Variants in CTNND2 observed in about 807,000 individuals in gnomAD.
The protein encoded by CTNND2 is catenin delta 2.
In CTNND2, 22 loss-of-function variants were observed where a neutral mutation model predicts 144.4. The observed-to-expected ratio is 0.15, with a 90% CI of 0.11 to 0.22. CTNND2 has a LOEUF of 0.22. Ranked by LOEUF, CTNND2 falls within the 10% of genes least tolerant of loss-of-function variation. CTNND2 has a pLI of 1.00. For synonymous variants in CTNND2, 751 were observed against 695.6 expected (o/e 1.08, Z -1.25); for missense variants, 1,353 against 1,618.8 (o/e 0.84, Z 2.82).
At position 11,346,727 on chromosome 5, in the gene CTNND2, A is replaced by C. The variant is rs550779402; in HGVS notation, c.1373-100T>G. On this transcript the variant is annotated intron_variant, in intron 8 of 21. Transcript: ENST00000304623. ...GGGCAGGGGAAGTTACACACATAAA[A>C]AATAGGGGGTTCAAAAGAATAAAAA... 7.1e-6 allele frequency: 8 copies of C among 1,119,610 alleles called. No individual in the cohort carries two copies. The African/African-American group carries it at 1.3e-4, about 18-fold the overall frequency. The allele number at this position is 1,119,610 out of a possible 1,614,324, so 69.4% of individuals were successfully genotyped here.
chr5:11,825,499 A>G (rs1793552296), intron 1 of CTNND2, among the ~76,000 whole-genome samples: 1 of 152,294 alleles, frequency 6.6e-6, no homozygotes, highest in East Asian at 1.9e-4. Flanking sequence ...TCCCAGAAGA[A>G]GAGGAAAGAA....
intron 16 of CTNND2, 48 bp from the exon 17 acceptor site, chr5:11,023,027 G>T: frequency 1.3e-6 from 2 of 1,561,462 alleles, no homozygotes; most frequent in Non-Finnish European, 1.8e-6. Context: ...CAAGGTGAAG[G>T]CAGAGATAGT....
chr5:11,720,397 T>C (rs1581772989), intron 2 of CTNND2, among the ~76,000 whole-genome samples: 1 of 152,210 alleles, frequency 6.6e-6, no homozygotes. Flanking sequence ...GATTCATATC[T>C]GGCACAAGAC....
At chr5:11,454,754 C>T (rs907264282) in intron 3 of CTNND2, among the ~76,000 whole-genome samples, 30 of 152,062 alleles carry the variant, frequency 2.0e-4, no homozygotes, top group African/African-American at 7.2e-4. Context: ...GAACGCACCA[C>T]CATGCCCAGC....
chr5:11,102,791 A>G (rs1236913654), intron 14 of CTNND2, among the ~76,000 whole-genome samples: 1 of 152,126 alleles, frequency 6.6e-6, no homozygotes, highest in African/African-American at 2.4e-5. Flanking sequence ...TATGGTCACC[A>G]TCGGCACAGA....
chr5:11,532,566 C>T (rs1200408395), intron 3 of CTNND2, among the ~76,000 whole-genome samples: 1 of 152,114 alleles, frequency 6.6e-6, no homozygotes, highest in African/African-American at 2.4e-5. Flanking sequence ...TGTAGGTCAT[C>T]CACCTTGCCA....
intron 1 of CTNND2, among the ~76,000 whole-genome samples, chr5:11,766,386 C>T (rs1378765960): frequency 1.3e-5 from 2 of 152,122 alleles, no homozygotes; most frequent in African/African-American, 4.8e-5. Context: ...TGGGAGGTAA[C>T]TGAATCATGA....
At chr5:11,281,327 T>C (rs1387673021) in intron 9 of CTNND2, among the ~76,000 whole-genome samples, 4 of 152,134 alleles carry the variant, frequency 2.6e-5, no homozygotes, top group Non-Finnish European at 5.9e-5. Flanking sequence ...ACTCCATCAA[T>C]TTTTCTAAAA....
chr5:11,688,805 C>A (rs1784771630), intron 2 of CTNND2, among the ~76,000 whole-genome samples: 3 of 152,052 alleles, frequency 2.0e-5, no homozygotes, highest in Admixed American at 2.0e-4. Flanking sequence ...TGCAGCACAG[C>A]GAGCTGAAGC....
At chr5:11,463,724 CA>C (rs1299849015) in intron 3 of CTNND2, among the ~76,000 whole-genome samples, 5 of 151,124 alleles carry the variant, frequency 3.3e-5, no homozygotes, top group Non-Finnish European at 7.4e-5. Context: ...TATCATGACG[CA>C]AAAAGCAAAC....
intron 2 of CTNND2, among the ~76,000 whole-genome samples, chr5:11,710,110 AC>A (rs1215812558): frequency 1.3e-5 from 2 of 152,130 alleles, no homozygotes; most frequent in African/African-American, 4.8e-5. Context: ...GTTAGAGATG[AC>A]TATGCATCCC....
chr5:11,208,842 C>T (rs548646277), intron 10 of CTNND2, among the ~76,000 whole-genome samples: 5 of 152,148 alleles, frequency 3.3e-5, no homozygotes, highest in Admixed American at 1.3e-4. Context: ...ATATTGGCTA[C>T]GAACATGATA....
At chr5:11,849,148 G>A (rs138071332) in intron 1 of CTNND2, among the ~76,000 whole-genome samples, 1,816 of 152,218 alleles carry the variant, frequency 0.012, 21 homozygotes, top group Admixed American at 0.044. Context: ...CATGGCAGAT[G>A]ACAAAAGGCA....
At chr5:11,515,111 C>CA (rs5865953) in intron 3 of CTNND2, among the ~76,000 whole-genome samples, 54,990 of 135,358 alleles carry the variant, frequency 0.41, 11,058 homozygotes, top group South Asian at 0.56. Context: ...TAATGCACAC[C>CA]AAAAAAAAAA....
intron 2 of CTNND2, among the ~76,000 whole-genome samples, chr5:11,616,178 T>A (rs1482892661): frequency 1.3e-5 from 2 of 152,164 alleles, no homozygotes; most frequent in Non-Finnish European, 2.9e-5. Flanking sequence ...TCTTTCCAAT[T>A]TAATCTCCTT....
chr5:11,571,940 TTGA>T (rs1292846914), intron 2 of CTNND2, among the ~76,000 whole-genome samples: 1 of 152,168 alleles, frequency 6.6e-6, no homozygotes, highest in Non-Finnish European at 1.5e-5. Flanking sequence ...ACCCTAAAAA[TTGA>T]TGGCCTCTCA....
At chr5:11,085,857 A>C (rs1750081124) in intron 15 of CTNND2, among the ~76,000 whole-genome samples, 1 of 152,108 alleles carries the variant, frequency 6.6e-6, no homozygotes, top group Admixed American at 6.5e-5. Flanking sequence ...TCCCCCTTGA[A>C]GATGGGAGAA....
At chr5:10,998,392 G>A (rs1031858636) in intron 18 of CTNND2, among the ~76,000 whole-genome samples, 41 of 152,132 alleles carry the variant, frequency 2.7e-4, no homozygotes, top group African/African-American at 2.4e-4. Context: ...AAATATCTTC[G>A]TTAGAGCTGT....
chr5:11,735,896 G>T (rs1234532944), intron 1 of CTNND2, among the ~76,000 whole-genome samples: 1 of 152,108 alleles, frequency 6.6e-6, no homozygotes, highest in Admixed American at 6.6e-5. Context: ...AATACACAAG[G>T]AGCACCTCAT....
Sources: allele counts gnomAD v4.1 joint callset (sites outside exome capture counted in the v4.1 genomes callset), GRCh38; gene constraint gnomAD v4.1.1; transcripts MANE v1.5; gene names NCBI Gene and HGNC (gene_info 2026-07-23, HGNC 2026-07-21).